The following MBD5 variants were observed in gnomAD, a reference collection of about 807,000 sequenced individuals.
MBD5 encodes the protein methyl-CpG binding domain protein 5, also known as methyl-CpG-binding domain protein 5.
In MBD5, 13 loss-of-function variants were observed where a neutral mutation model predicts 117.3. That is an observed-to-expected ratio of 0.11 (90% CI 0.07 to 0.18). The LOEUF is 0.18. Among genes scored for constraint, MBD5 ranks in the 10% least tolerant of loss-of-function variants. The pLI is 1.00. For synonymous variants in MBD5, 727 were observed against 766.4 expected (o/e 0.95, Z 0.85); for missense variants, 1,879 against 2,093.8 (o/e 0.90, Z 2.00).
At chr2:148,383,017 T>G (rs1245251820) in intron 4 of MBD5, among the ~76,000 whole-genome samples, 2 of 151,282 alleles carry the variant, frequency 1.3e-5, no homozygotes, top group African/African-American at 2.4e-5. Context: ...AGATCTAAAA[T>G]TGACACCCTA....
chr2:148,126,178 C>T (rs1696885060), intron 1 of MBD5, among the ~76,000 whole-genome samples: 1 of 151,928 alleles, frequency 6.6e-6, no homozygotes, highest in South Asian at 2.1e-4. Context: ...GGCGGATCAC[C>T]TGAGGTCAAG....
intron 1 of MBD5, among the ~76,000 whole-genome samples, chr2:148,090,642 A>AT (rs988055397): frequency 2.6e-5 from 4 of 152,068 alleles, no homozygotes; most frequent in South Asian, 2.1e-4. Flanking sequence ...AAAACACAGC[A>AT]TTTTTTTATG....
intron 1 of MBD5, among the ~76,000 whole-genome samples, chr2:148,112,808 C>T (rs1339474397): frequency 1.3e-5 from 2 of 151,950 alleles, no homozygotes; most frequent in Non-Finnish European, 1.5e-5. Context: ...GAGTCCTGTT[C>T]TGGCACTTAC....
At chr2:148,263,405 A>G (rs1700779255) in intron 3 of MBD5, among the ~76,000 whole-genome samples, 1 of 152,182 alleles carries the variant, frequency 6.6e-6, no homozygotes, top group Non-Finnish European at 1.5e-5. Context: ...TTTGTAAGCC[A>G]TGGGAGAAGA....
chr2:148,489,622 C>T lies in MBD5; in HGVS notation c.3990C>T (p.Ser1330=). 1 of 1,614,168 alleles carries T rather than the reference C, an allele frequency of 6.2e-7. No individual in the cohort carries two copies. Among genetic ancestry groups the T allele is most frequent in the Non-Finnish European group, 8.5e-7 (1 of 1,180,024 alleles). Residue 1330 remains serine (S), a synonymous_variant, in exon 11 of 14, where the codon AGC becomes AGT. Coordinates refer to ENST00000642680, the MANE Select transcript of MBD5 (RefSeq NM_001378120.1). ...ACAAAGCAGTTGTCGATGCAGCCAG[C>T]AAAGGAATGCAGGTTGTCATCACCA... is the stretch of plus-strand genomic sequence containing the variant. ...AIYKAVVDAA[S]KGMQVVITTA...
chr2:148,152,638 A>G (rs1480670351), intron 1 of MBD5, among the ~76,000 whole-genome samples: 3 of 152,150 alleles, frequency 2.0e-5, no homozygotes, highest in East Asian at 3.8e-4. Context: ...TTCGTTGCAT[A>G]TATATTTAGG....
At position 148,429,077 on chromosome 2, in the gene MBD5, A is replaced by C. The variant is rs186621450; in HGVS notation, c.-556-29126A>C. On this transcript the variant is annotated intron_variant, in intron 4 of 13. Transcript: ENST00000642680. The stretch of plus-strand genomic sequence containing the variant: ...ACAGGCCACCTACAGCATGGGAGAA[A>C]ATTTTTGCAATCTATTGATCTCACA... Among the ~76,000 whole-genome samples, 252 of 152,278 alleles carry C rather than the reference A, an allele frequency of 1.7e-3. 1 individual carries two copies. The highest frequency in any genetic ancestry group is 5.7e-3 in the African/African-American group (238 of 41,556).
At chr2:148,067,330 T>G (rs1423126150) in intron 1 of MBD5, among the ~76,000 whole-genome samples, 1 of 152,186 alleles carries the variant, frequency 6.6e-6, no homozygotes, top group Admixed American at 6.5e-5. Flanking sequence ...TTAGTGACAA[T>G]AATAACTACG....
At chr2:148,290,917 C>G (rs1477984296) in intron 3 of MBD5, among the ~76,000 whole-genome samples, 9 of 152,086 alleles carry the variant, frequency 5.9e-5, no homozygotes, top group African/African-American at 1.4e-4. Flanking sequence ...TTATGTTTAA[C>G]ATTTGAGAGA....
chr2:148,216,242 G>T (rs1574147467), intron 2 of MBD5, among the ~76,000 whole-genome samples: 1 of 152,118 alleles, frequency 6.6e-6, no homozygotes, highest in South Asian at 2.1e-4. Context: ...GGCCGATCAA[G>T]CTTAGATCAC....
chr2:148,402,708 T>G (rs1172437744), intron 4 of MBD5, among the ~76,000 whole-genome samples: 1 of 152,212 alleles, frequency 6.6e-6, no homozygotes. Context: ...AAATAGTTCT[T>G]TTTTTCTGAG....
chr2:148,368,169 C>T (rs1703757069), intron 4 of MBD5, among the ~76,000 whole-genome samples: 2 of 152,112 alleles, frequency 1.3e-5, no homozygotes, highest in South Asian at 4.1e-4. Context: ...AGTTCATGTC[C>T]TCTGCAGGGT....
At chr2:148,168,480 T>C (rs1163064867) in intron 1 of MBD5, among the ~76,000 whole-genome samples, 1 of 152,112 alleles carries the variant, frequency 6.6e-6, no homozygotes, top group Non-Finnish European at 1.5e-5. Context: ...ATGATGTCAG[T>C]GGTAGTGATT....
At chr2:148,318,817 A>T (rs1309716349) in intron 3 of MBD5, among the ~76,000 whole-genome samples, 1 of 152,066 alleles carries the variant, frequency 6.6e-6, no homozygotes, top group East Asian at 1.9e-4. Context: ...CCTGCGTTCA[A>T]GTGTTCTCAT....
intron 4 of MBD5, among the ~76,000 whole-genome samples, chr2:148,447,194 A>G (rs534180772): frequency 2.0e-4 from 2 of 9,864 alleles, no homozygotes; most frequent in African/African-American, 2.3e-4. Flanking sequence ...AAAGAAAGAA[A>G]GAAAGAAAGA....
chr2:148,229,387 A>G (rs1479924678), intron 2 of MBD5, among the ~76,000 whole-genome samples: 1 of 152,088 alleles, frequency 6.6e-6, no homozygotes, highest in Non-Finnish European at 1.5e-5. Context: ...AGGATTCTGA[A>G]TTCCTTCTCT....
At chr2:148,202,686 G>T (rs1699173811) in intron 2 of MBD5, among the ~76,000 whole-genome samples, 1 of 152,080 alleles carries the variant, frequency 6.6e-6, no homozygotes, top group African/African-American at 2.4e-5. Context: ...ACATATATTG[G>T]ATTTTTTTAG....
intron 1 of MBD5, among the ~76,000 whole-genome samples, chr2:148,080,135 G>C (rs1217546469): frequency 1.3e-5 from 2 of 152,152 alleles, no homozygotes; most frequent in Non-Finnish European, 2.9e-5. Context: ...TAAGGTGAAG[G>C]TGATGTTGGA....
At chr2:148,344,487 T>A (rs1236291229) in intron 4 of MBD5, among the ~76,000 whole-genome samples, 1 of 152,054 alleles carries the variant, frequency 6.6e-6, no homozygotes, top group Admixed American at 6.6e-5. Flanking sequence ...CGTCTGTGAT[T>A]CCTAGCAGTG....
Sources: gnomAD v4.1 joint callset for allele counts (sites outside exome capture counted in the v4.1 genomes callset) on GRCh38, gnomAD v4.1.1 for gene constraint, MANE v1.5 for transcripts, NCBI Gene and HGNC (gene_info 2026-07-23, HGNC 2026-07-21) for gene names.